The following SLC34A1 variants were observed in gnomAD, a reference collection of about 807,000 sequenced individuals.
SLC34A1 encodes the protein sodium-dependent phosphate transport protein 2A.
A neutral mutation model predicts 51.4 loss-of-function variants in SLC34A1; 57 were observed. The ratio of observed to expected loss-of-function variants is 1.11; its 90% confidence interval spans 0.90 to 1.38. The LOEUF is 1.38. Among genes scored for constraint, SLC34A1 ranks in the 40% most tolerant of loss-of-function variants. The probability of loss-of-function intolerance (pLI) is 0.00; values close to 1 mark genes in which losing one functional copy is unlikely to be tolerated. For missense variants in SLC34A1, 796 were observed against 835.6 expected, an observed-to-expected ratio of 0.95 and a Z score of 0.58; for synonymous variants, 368 against 358.0, an observed-to-expected ratio of 1.03 and a Z score of -0.32.
chr5:177,394,688 C>CTTTTTTT (rs34736156), intron 10 of SLC34A1, among the ~76,000 whole-genome samples: 6 of 105,094 alleles, frequency 5.7e-5, no homozygotes, highest in African/African-American at 8.0e-5. Flanking sequence ...GAGACTTTGT[C>CTTTTTTT]TTTTTTTTTT....
At chr5:177,390,025 C>T (rs1025550987) in intron 8 of SLC34A1, 1 of 1,299,772 alleles carries the variant, frequency 7.7e-7, no homozygotes, top group Non-Finnish European at 9.8e-7. Flanking sequence ...AGGAGTGTGA[C>T]TCACACAGCA....
In SLC34A1 at chr5:177,396,600, T is replaced by C. The variant is rs1762974298; in HGVS notation, c.1175-133T>C. 22 of 622,324 alleles carry C rather than the reference T, an allele frequency of 3.5e-5. 2 individuals carry two copies. The South Asian group carries it at 3.8e-4, about 11-fold the overall frequency. The allele number at this position is 622,324 out of a possible 1,614,324, so 38.6% of individuals were successfully genotyped here. A position where few individuals can be genotyped will look rare whatever the true frequency, so the allele number is the denominator to read the frequency against. ...CCAGTGCCCCCGCGGAGGTCCTCTC[T>C]CCCAGTGCCCCCGCGGAGATCCGCT... is the stretch of plus-strand genomic sequence containing the variant. On this transcript the variant is annotated intron_variant, in intron 10 of 12. Coordinates refer to ENST00000324417, the MANE Select transcript of SLC34A1 (RefSeq NM_003052.5). The surrounding 1 kb of genome is among the most constrained non-coding windows in gnomAD (Gnocchi z 4.0).
At position 177,385,970 on chromosome 5, in the gene SLC34A1, C is replaced by T; in HGVS notation, c.110-17C>T. ...CACTTTGGGGCCCTGGGGCTCCTGACCAGGCTCCCTCCCTAGTCCTACACA... is the reference window on the plus strand; with the variant it reads ...CACTTTGGGGCCCTGGGGCTCCTGATCAGGCTCCCTCCCTAGTCCTACACA... On this transcript the variant is annotated splice_polypyrimidine_tract_variant and intron_variant, in intron 2 of 12. Transcript: ENST00000324417. 1 of 1,610,322 alleles carries T rather than the reference C, an allele frequency of 6.2e-7. No homozygotes were observed. Among genetic ancestry groups the T allele is most frequent in the Non-Finnish European group, 8.5e-7 (1 of 1,179,644 alleles).
In SLC34A1 at chr5:177,398,245, C is replaced by G; in HGVS notation, c.1879C>G (p.Arg627Gly). ...GCTACCCCCTGCCACACCCTCCCCCCGTCTTGCACTGCCTGCTCACCACAA... is the reference window on the plus strand; with the variant it reads ...GCTACCCCCTGCCACACCCTCCCCCGGTCTTGCACTGCCTGCTCACCACAA... ...EELPPATPSP[R>G]LALPAHHNAT... Residue 627 changes from arginine (R) to glycine (G), a missense_variant, in exon 13 of 13, where the codon CGT (arginine) becomes GGT (glycine). Arg to Gly is a moderately radical substitution (Grantham distance 125). Coordinates refer to ENST00000324417, the MANE Select transcript of SLC34A1 (RefSeq NM_003052.5). The surrounding 1 kb of genome is among the most constrained non-coding windows in gnomAD (Gnocchi z 4.7). The G allele has an allele frequency of 6.2e-7, 1 of 1,600,006 alleles. No individual in the cohort carries two copies.
At chr5:177,397,461 A>C (rs1763007887) in intron 12 of SLC34A1, 2 of 514,884 alleles carry the variant, frequency 3.9e-6, no homozygotes, top group Admixed American at 6.5e-5. Flanking sequence ...TGACTGAATG[A>C]GGGTCCAGAA....
Position 177,386,483 on chromosome 5 carries a change from T to C in SLC34A1, c.449T>C (p.Leu150Pro). ...ATCCTGTCCAACCCGGTGGCCGGGC[T>C]GGTGGTGGGGATCCTGGTGACCGTG... ...NAILSNPVAG[L>P]VVGILVTVLV... Residue 150 changes from leucine (L) to proline (P), a missense_variant, in exon 5 of 13, where the codon CTG becomes CCG. Coordinates refer to ENST00000324417, the MANE Select transcript of SLC34A1 (RefSeq NM_003052.5). The surrounding 1 kb of genome is among the most constrained non-coding windows in gnomAD (Gnocchi z 4.8). The C allele has an allele frequency of 6.2e-7, 1 of 1,614,156 alleles. No homozygotes were observed. The highest frequency in any genetic ancestry group is 8.5e-7 in the Non-Finnish European group (1 of 1,180,004).
Position 177,394,059 on chromosome 5 carries a change from G to T in SLC34A1, c.1038G>T (p.Pro346=), listed in dbSNP as rs73336286. ...CNHIFVDTGL[P]DLAVGLILLA... is the part of the protein sequence containing the mutation. ...ACATCTTTGTGGACACTGGCCTACC[G>T]GACCTGGCTGTGGGGCTCATCCTGC... The change falls in exon 10 of 13, where the codon CCG becomes CCT. Residue 346 remains proline (P), a synonymous_variant. Transcript: ENST00000324417. The T allele has an allele frequency of 3.9e-5, 63 of 1,614,078 alleles. No individual in the cohort carries two copies. The African/African-American group carries it at 7.3e-4, about 19-fold the overall frequency.
intron 5 of SLC34A1, among the ~76,000 whole-genome samples, chr5:177,387,037 A>G (rs1762598924): frequency 6.6e-6 from 1 of 152,054 alleles, no homozygotes; most frequent in Admixed American, 6.6e-5. Flanking sequence ...GTTGGGTTGA[A>G]TAACTGGGTA....
At position 177,396,797 on chromosome 5, in the gene SLC34A1, C is replaced by T. The variant is rs1369970043; in HGVS notation, c.1239C>T (p.Thr413=). The change falls in exon 11 of 13, where the codon ACC becomes ACT. Residue 413 remains threonine (T), a synonymous_variant. Coordinates refer to ENST00000324417, the MANE Select transcript of SLC34A1 (RefSeq NM_003052.5). The surrounding 1 kb of genome is among the most constrained non-coding windows in gnomAD (Gnocchi z 4.0). ...CCATGGTGGTGGGCGCCAGCATGAC[C>T]TTCGTGGTCCAGAGCAGTTCTGTGT... The part of the protein sequence containing the change: ...YFAMVVGASM[T]FVVQSSSVFT... The T allele has an allele frequency of 1.9e-6, 3 of 1,614,222 alleles. No individual in the cohort carries two copies. In the South Asian group the frequency reaches 3.3e-5, roughly 18 times the overall value.
At position 177,387,717 on chromosome 5, in the gene SLC34A1, G is replaced by C. The variant is rs762175506; in HGVS notation, c.533-45G>C. On this transcript the variant is annotated intron_variant, in intron 5 of 12. Coordinates refer to ENST00000324417, the MANE Select transcript of SLC34A1 (RefSeq NM_003052.5). ...TGACAGGAGTTGTGGTGGTGCAGGA[G>C]CTGGGTGACCGTCAAATTCATTAGG... 2.6e-6 allele frequency: 4 copies of C among 1,511,054 alleles called. No homozygotes were observed. In the South Asian group the frequency reaches 4.5e-5, roughly 17 times the overall value. 93.6% of individuals were successfully genotyped at this position (1,511,054 alleles called of 1,614,324 possible).
chr5:177,397,573 T>G (rs1276550638), intron 12 of SLC34A1: 2 of 646,328 alleles, frequency 3.1e-6, no homozygotes, highest in Admixed American at 5.1e-5. Context: ...GGGCAGTAGT[T>G]ATTTACCAAC....
At position 177,387,850 on chromosome 5, in the gene SLC34A1, G is replaced by A. The variant is rs137909349; in HGVS notation, c.621G>A (p.Ala207=). The A allele has an allele frequency of 3.0e-4, 482 of 1,613,490 alleles. No homozygotes were observed. The highest frequency in any genetic ancestry group is 1.5e-3 in the African/African-American group (116 of 74,874). Residue 207 remains alanine, a synonymous_variant, in exon 6 of 13, where the codon GCG becomes GCA. Transcript: ENST00000324417. ...ACACCATCGTGGCCCTGATGCAGGC[G>A]GGGGACAGGACTGACTTCCGGCGGT... ...VTNTIVALMQ[A]GDRTDFRRAF...
chr5:177,398,444 GGT>G lies in SLC34A1; in HGVS notation c.*166_*167del, dbSNP rs953017558. 7.0e-6 allele frequency: 6 copies of G among 858,234 alleles called. No individual in the cohort carries two copies. The highest frequency in any genetic ancestry group is 7.8e-6 in the Non-Finnish European group (4 of 514,734). The allele number at this position is 858,234 out of a possible 1,614,324, so 53.2% of individuals were successfully genotyped here. On this transcript the variant is annotated 3_prime_UTR_variant, in exon 13 of 13. Transcript: ENST00000324417. This position sits in a 1 kb window ranked among gnomAD's most constrained non-coding sequence, Gnocchi z 4.7. Reference sequence around the variant, plus strand: ...AGCTCTGGGCTTGTGTGAGAGTGTCGGTGTGTGTGCATGTGTGGGGGTGAGTC... The same window carrying G: ...AGCTCTGGGCTTGTGTGAGAGTGTCGGTGTGTGCATGTGTGGGGGTGAGTC...
rs748950589 is a variant in SLC34A1, at chr5:177,397,936, C to T, written c.1570C>T (p.Leu524=). The T allele has an allele frequency of 9.3e-6, 15 of 1,614,110 alleles. No homozygotes were observed. The highest frequency in any genetic ancestry group is 1.3e-5 in the Non-Finnish European group (15 of 1,180,038). The change falls in exon 13 of 13, where the codon CTG becomes TTG. Residue 524 remains leucine, a synonymous_variant. Transcript: ENST00000324417. The part of the protein sequence containing the change: ...FAVLYLLVCF[L]LLPSLVFGIS... The stretch of plus-strand genomic sequence containing the variant: ...CGTCCTCTATCTCCTTGTCTGCTTC[C>T]TGCTGCTGCCCTCACTGGTGTTTGG...
chr5:177,396,677 G>A lies in SLC34A1; in HGVS notation c.1175-56G>A. ...TCTCCCAGTGCCCCCGCGGAGGTCT[G>A]CTCTCCCAATGTCCCCGCTCTGACC... is the stretch of plus-strand genomic sequence containing the variant. On this transcript the variant is annotated intron_variant, in intron 10 of 12. Coordinates refer to ENST00000324417, the MANE Select transcript of SLC34A1 (RefSeq NM_003052.5). This position sits in a 1 kb window ranked among gnomAD's most constrained non-coding sequence, Gnocchi z 4.0. 3 of 1,505,880 alleles carry A rather than the reference G, an allele frequency of 2.0e-6. No individual in the cohort carries two copies. The East Asian group carries it at 6.8e-5, about 34-fold the overall frequency. The allele number at this position is 1,505,880 out of a possible 1,614,324, so 93.3% of individuals were successfully genotyped here.
intron 8 of SLC34A1, among the ~76,000 whole-genome samples, chr5:177,391,610 G>T (rs936426346): frequency 6.6e-6 from 1 of 152,168 alleles, no homozygotes; most frequent in Non-Finnish European, 1.5e-5. Flanking sequence ...CCCCAACAGG[G>T]CTAGGGTTCT....
chr5:177,390,002 G>C (rs1351283147), intron 8 of SLC34A1: 10 of 1,346,918 alleles, frequency 7.4e-6, no homozygotes, highest in Non-Finnish European at 7.6e-6. Context: ...CCCTTTCTGG[G>C]ACAGCGCCCC....
rs535866966 is a variant in SLC34A1, at chr5:177,387,678, G to A, written c.533-84G>A. On this transcript the variant is annotated intron_variant, in intron 5 of 12. Transcript: ENST00000324417. ...AGGAGCGGCCACTGGGGACTGGGAC[G>A]TGGGTGGGGGGCCTGACAGGAGTTG... 89 of 1,159,596 alleles carry A rather than the reference G, an allele frequency of 7.7e-5. No individual in the cohort carries two copies. The East Asian group carries it at 1.5e-3, about 20-fold the overall frequency. 71.8% of individuals were successfully genotyped at this position (1,159,596 alleles called of 1,614,324 possible).
rs567775625 is a variant in SLC34A1 at position 177,388,794 on chromosome 5, C to T, written c.936+422C>T. ...TCAAGTTTGAGAACCGCTGATCCAG[C>T]GCAACCCTTGGGTTTCACAGGTAGA... On this transcript the variant is annotated intron_variant, in intron 8 of 12. Coordinates refer to ENST00000324417, the MANE Select transcript of SLC34A1 (RefSeq NM_003052.5). The surrounding 1 kb of genome is among the most constrained non-coding windows in gnomAD (Gnocchi z 4.3). Among the ~76,000 whole-genome samples, 2 of 152,294 alleles carry T rather than the reference C, an allele frequency of 1.3e-5. No homozygotes were observed. The highest frequency in any genetic ancestry group is 2.1e-4 in the South Asian group (1 of 4,830).
Sources: gnomAD v4.1 joint callset for allele counts (sites outside exome capture counted in the v4.1 genomes callset) on GRCh38, gnomAD v4.1.1 for gene constraint, Gnocchi (gnomAD v3.1) non-coding constraint, MANE v1.5 for transcripts, NCBI Gene and HGNC (gene_info 2026-07-23, HGNC 2026-07-21) for gene names.